Variants in ZPBP observed in about 807,000 individuals in gnomAD.
ZPBP encodes zona pellucida binding protein.
A neutral mutation model predicts 44.8 loss-of-function variants in ZPBP; 26 were observed. The observed-to-expected ratio is 0.58, with a 90% CI of 0.43 to 0.81. The LOEUF is 0.81. Among genes scored for constraint, ZPBP ranks in the 30% least tolerant of loss-of-function variants. ZPBP has a pLI of 0.00. For missense variants in ZPBP, 409 were observed against 434.0 expected (o/e 0.94, Z 0.51); for synonymous variants, 174 against 153.2 (o/e 1.14, Z -1.00).
At chr7:49,852,840 G>A (rs1790236991) in intron 2 of ZPBP, among the ~76,000 whole-genome samples, 1 of 152,238 alleles carries the variant, frequency 6.6e-6, no homozygotes, top group Non-Finnish European at 1.5e-5. Context: ...TCTCCATCTA[G>A]TGACTGGCTC....
At position 50,067,614 on chromosome 7, in the gene ZPBP, T is replaced by A. The variant is rs542774651; in HGVS notation, c.335-9473A>T. Among the ~76,000 whole-genome samples, 5 of 152,290 alleles carry A rather than the reference T, an allele frequency of 3.3e-5. No individual in the cohort carries two copies. In the South Asian group the frequency reaches 1.0e-3, roughly 32 times the overall value. ...AATGTCTGGGTCCTTGAGGAGCTGA[T>A]CTGTCAAATCTCTTCGGCTTGAGAA... On this transcript the variant is annotated intron_variant, in intron 3 of 7. Coordinates refer to ENST00000046087, the MANE Select transcript of ZPBP (RefSeq NM_007009.3).
intron 3 of ZPBP, among the ~76,000 whole-genome samples, chr7:50,071,337 C>T (rs372156956): frequency 6.6e-6 from 1 of 152,184 alleles, no homozygotes. Flanking sequence ...AGAAGAGAAT[C>T]ATCGATCCCA....
intron 2 of ZPBP, among the ~76,000 whole-genome samples, chr7:49,854,287 C>T (rs1460350780): frequency 2.0e-5 from 3 of 152,150 alleles, no homozygotes; most frequent in African/African-American, 7.2e-5. Context: ...GAGGAATTGC[C>T]ACACTCTTCC....
chr7:49,909,308 C>T (rs1357505313), intron 1 of ZPBP, among the ~76,000 whole-genome samples: 1 of 151,948 alleles, frequency 6.6e-6, no homozygotes, highest in Admixed American at 6.6e-5. Flanking sequence ...AAATTTACCT[C>T]TGCAAAAAAA....
At chr7:50,055,640 A>G (rs1800904461) in intron 4 of ZPBP, among the ~76,000 whole-genome samples, 1 of 152,196 alleles carries the variant, frequency 6.6e-6, no homozygotes, top group Admixed American at 6.5e-5. Context: ...GTTTTGAAAT[A>G]CATTTAATAT....
intron 2 of ZPBP, among the ~76,000 whole-genome samples, chr7:49,862,239 A>G (rs531882005): frequency 6.6e-6 from 1 of 152,302 alleles, no homozygotes; most frequent in African/African-American, 2.4e-5. Flanking sequence ...TGCTATTGAA[A>G]TAGAATTGCT....
At chr7:49,882,885 G>A (rs1348250305) in intron 2 of ZPBP, among the ~76,000 whole-genome samples, 1 of 151,704 alleles carries the variant, frequency 6.6e-6, no homozygotes, top group Non-Finnish European at 1.5e-5. Context: ...TGTTGTTGTT[G>A]TTTTGATCTG....
chr7:49,876,678 A>G (rs1791426836), intron 2 of ZPBP, among the ~76,000 whole-genome samples: 1 of 152,110 alleles, frequency 6.6e-6, no homozygotes, highest in African/African-American at 2.4e-5. Context: ...ATTTTACCCT[A>G]TTTTAAGATC....
chr7:49,858,307 A>G (rs1030549033), intron 2 of ZPBP, among the ~76,000 whole-genome samples: 1 of 152,090 alleles, frequency 6.6e-6, no homozygotes, highest in African/African-American at 2.4e-5. Flanking sequence ...AACCAACCCA[A>G]ATGTCCAACA....
intron 3 of ZPBP, among the ~76,000 whole-genome samples, chr7:50,072,373 C>G (rs1359603747): frequency 6.6e-6 from 1 of 152,250 alleles, no homozygotes; most frequent in African/African-American, 2.4e-5. Context: ...GTTTTTTACT[C>G]TAGTCCCTGA....
Position 50,061,829 on chromosome 7 carries a change from G to C in ZPBP, c.335-3688C>G, listed in dbSNP as rs1584145711. 2.0e-5 allele frequency among the ~76,000 whole-genome samples: 3 copies of C among 152,188 alleles called. No homozygotes were observed. The East Asian group carries it at 5.8e-4, about 29-fold the overall frequency. Reference sequence around the variant, plus strand: ...GAATCGCTCGAACCTGAGAGGCAGAGGTTGCAGTGAGCAGAGATCACACCA... The same window carrying C: ...GAATCGCTCGAACCTGAGAGGCAGACGTTGCAGTGAGCAGAGATCACACCA... On this transcript the variant is annotated intron_variant, in intron 3 of 7. Transcript: ENST00000046087.
chr7:49,885,126 T>C (rs561517416), intron 2 of ZPBP, among the ~76,000 whole-genome samples: 1 of 152,180 alleles, frequency 6.6e-6, no homozygotes, highest in African/African-American at 2.4e-5. Context: ...ACTAAAAGTA[T>C]CTCTAAAGGA....
At chr7:49,907,305 T>G (rs1793156082) in intron 1 of ZPBP, among the ~76,000 whole-genome samples, 1 of 152,184 alleles carries the variant, frequency 6.6e-6, no homozygotes, top group Admixed American at 6.5e-5. Flanking sequence ...TGGGAACAGA[T>G]GGACCTGACT....
intron 1 of ZPBP, among the ~76,000 whole-genome samples, chr7:49,908,720 A>C (rs1344703170): frequency 1.3e-5 from 2 of 152,182 alleles, no homozygotes; most frequent in African/African-American, 4.8e-5. Context: ...GGGCAAGATC[A>C]GCTGAAGATA....
intron 6 of ZPBP, among the ~76,000 whole-genome samples, chr7:50,015,327 T>C (rs149727974): frequency 2.6e-5 from 4 of 152,268 alleles, no homozygotes; most frequent in African/African-American, 9.6e-5. Flanking sequence ...AAAAATTATT[T>C]TGTGTTTCTA....
intron 4 of ZPBP, among the ~76,000 whole-genome samples, chr7:50,036,334 T>C (rs893248721): frequency 2.6e-5 from 4 of 152,112 alleles, no homozygotes; most frequent in Admixed American, 6.5e-5. Context: ...TTCTTTTTAG[T>C]AGAGACAGGG....
intron 7 of ZPBP, among the ~76,000 whole-genome samples, chr7:49,951,863 T>C (rs537788995): frequency 6.6e-6 from 1 of 151,782 alleles, no homozygotes; most frequent in Non-Finnish European, 1.5e-5. Flanking sequence ...TGTATATATA[T>C]ATAAAATGGG....
intron 7 of ZPBP, among the ~76,000 whole-genome samples, chr7:49,966,212 T>TA (rs1796052607): frequency 6.6e-6 from 1 of 152,000 alleles, no homozygotes. Flanking sequence ...ATTGGCAAAA[T>TA]AAGTAGACAT....
At chr7:50,083,799 G>C (rs1178699233) in intron 2 of ZPBP, among the ~76,000 whole-genome samples, 1 of 151,772 alleles carries the variant, frequency 6.6e-6, no homozygotes, top group Non-Finnish European at 1.5e-5. Flanking sequence ...TGTAAACTTA[G>C]ATTTATACCT....
Sources: gnomAD v4.1 joint callset for allele counts (sites outside exome capture counted in the v4.1 genomes callset) on GRCh38, gnomAD v4.1.1 for gene constraint, MANE v1.5 for transcripts, NCBI Gene and HGNC (gene_info 2026-07-23, HGNC 2026-07-21) for gene names.